AGBL1: variants seen among roughly 807,000 people sequenced by gnomAD.
AGBL1 encodes cytosolic carboxypeptidase 4.
AGBL1 carries 130 observed loss-of-function variants against 118.9 expected under a neutral mutation model. The observed-to-expected ratio is 1.09, with a 90% confidence interval of 0.95 to 1.26. The LOEUF (loss-of-function observed/expected upper bound fraction) is 1.26. Among genes scored for constraint, AGBL1 ranks in the 50% most tolerant of loss-of-function variants. The pLI is 0.00. For synonymous variants in AGBL1, 555 were observed against 478.9 expected (o/e 1.16, Z -2.08); for missense variants, 1,584 against 1,298.1 (o/e 1.22, Z -3.38).
intron 21 of AGBL1, among the ~76,000 whole-genome samples, chr15:86,667,921 C>T (rs1214019178): frequency 6.6e-6 from 1 of 152,190 alleles, no homozygotes; most frequent in Non-Finnish European, 1.5e-5. Context: ...TACAGTTCTG[C>T]AGGCTGTAAA....
At chr15:86,243,865 G>A (rs1288093939) in intron 6 of AGBL1, among the ~76,000 whole-genome samples, 2 of 151,606 alleles carry the variant, frequency 1.3e-5, no homozygotes, top group Non-Finnish European at 2.9e-5. Flanking sequence ...AAAAAAATTA[G>A]CAAAATTAGC....
chr15:87,021,499 T>A (rs896309546), intron 24 of AGBL1, among the ~76,000 whole-genome samples: 3 of 127,678 alleles, frequency 2.3e-5, no homozygotes, highest in African/African-American at 6.2e-5. Flanking sequence ...ACATATGGAA[T>A]CTAATTAAAC....
Position 86,568,911 on chromosome 15 carries a change from C to T in AGBL1, c.2994+14374C>T, listed in dbSNP as rs565484340. Among the ~76,000 whole-genome samples the T allele has an allele frequency of 2.6e-5, 4 of 151,984 alleles. No individual in the cohort carries two copies. The South Asian group carries it at 8.3e-4, about 32-fold the overall frequency. ...AAATTTTTTTAATGACAATGAGATGCTGTATGTATGATAAATATGATTTAA... is the reference window on the plus strand; with the variant it reads ...AAATTTTTTTAATGACAATGAGATGTTGTATGTATGATAAATATGATTTAA... On this transcript the variant is annotated intron_variant, in intron 21 of 22. Coordinates refer to ENST00000614907, the MANE Select transcript of AGBL1 (RefSeq NM_001386094.1).
intron 21 of AGBL1, among the ~76,000 whole-genome samples, chr15:86,608,401 T>C (rs1292992689): frequency 1.3e-5 from 2 of 152,218 alleles, no homozygotes; most frequent in Non-Finnish European, 2.9e-5. Context: ...AGTAGGGGAA[T>C]GCAAGAGCAA....
intron 21 of AGBL1, among the ~76,000 whole-genome samples, chr15:86,566,344 C>T (rs1049450106): frequency 6.6e-6 from 1 of 152,140 alleles, no homozygotes; most frequent in Non-Finnish European, 1.5e-5. Context: ...AGGTAGTTTT[C>T]AAGTGACTTT....
intron 22 of AGBL1, among the ~76,000 whole-genome samples, chr15:86,863,408 C>T (rs1174989668): frequency 6.6e-6 from 1 of 152,154 alleles, no homozygotes; most frequent in African/African-American, 2.4e-5. Flanking sequence ...GCAACTGTGA[C>T]TCAGGCTCTA....
rs575231889 is a variant in AGBL1, at chr15:86,279,825, G to C, written c.2220+42G>C. 3.7e-6 allele frequency: 6 copies of C among 1,601,920 alleles called. No individual in the cohort carries two copies. In the South Asian group the frequency reaches 4.4e-5, roughly 12 times the overall value. On this transcript the variant is annotated intron_variant, in intron 16 of 22. Coordinates refer to ENST00000614907, the MANE Select transcript of AGBL1 (RefSeq NM_001386094.1). ...AGCATCACTCCAGCAGGACTGAAGGGGCTCTCTGAGGTTTTCCTGGGAACA... is the reference window on the plus strand; with the variant it reads ...AGCATCACTCCAGCAGGACTGAAGGCGCTCTCTGAGGTTTTCCTGGGAACA...
intron 22 of AGBL1, among the ~76,000 whole-genome samples, chr15:86,723,632 G>A (rs550759760): frequency 4.6e-5 from 7 of 152,054 alleles, no homozygotes; most frequent in Admixed American, 2.6e-4. Context: ...TTGTGCACAT[G>A]TACCCTAAAA....
chr15:86,971,543 A>C (rs1596690586), intron 23 of AGBL1, among the ~76,000 whole-genome samples: 3 of 152,126 alleles, frequency 2.0e-5, no homozygotes, highest in Admixed American at 2.0e-4. Context: ...CAAGAACAGA[A>C]AACACTGAGC....
intron 21 of AGBL1, among the ~76,000 whole-genome samples, chr15:86,649,279 C>A (rs2085332492): frequency 6.6e-6 from 1 of 152,060 alleles, no homozygotes; most frequent in Non-Finnish European, 1.5e-5. Context: ...GGAAGATCTC[C>A]TTTGATAGCT....
At position 86,914,233 on chromosome 15, in the gene AGBL1, C is replaced by T. The variant is rs1199967812; in HGVS notation, c.*6939C>T. 1.3e-5 allele frequency: 2 copies of T among 152,136 alleles called. No individual in the cohort carries two copies. Among genetic ancestry groups the T allele is most frequent in the Non-Finnish European group, 2.9e-5 (2 of 68,050 alleles). The allele number at this position is 152,136 out of a possible 1,614,324, so 9.4% of individuals were successfully genotyped here. A position where few individuals can be genotyped will look rare whatever the true frequency, so the allele number is the denominator to read the frequency against. ...ATGTCCTGGGGTAGAAGACTATCAACCAGACCCCACCCACACTTCATTCTG... is the reference window on the plus strand; with the variant it reads ...ATGTCCTGGGGTAGAAGACTATCAATCAGACCCCACCCACACTTCATTCTG... On this transcript the variant is annotated 3_prime_UTR_variant, in exon 23 of 23. Coordinates refer to ENST00000614907, the MANE Select transcript of AGBL1 (RefSeq NM_001386094.1).
chr15:86,541,415 T>C (rs2083492351), intron 19 of AGBL1, among the ~76,000 whole-genome samples: 1 of 151,946 alleles, frequency 6.6e-6, no homozygotes, highest in Non-Finnish European at 1.5e-5. Context: ...CAGAGGGATA[T>C]CCTGTCTCTA....
chr15:86,742,537 A>C (rs2077695092), intron 22 of AGBL1, among the ~76,000 whole-genome samples: 1 of 152,078 alleles, frequency 6.6e-6, no homozygotes, highest in Non-Finnish European at 1.5e-5. Flanking sequence ...CAGGGAAGGA[A>C]AAAGAAGCAC....
intron 22 of AGBL1, among the ~76,000 whole-genome samples, chr15:86,743,462 G>A (rs2077709453): frequency 1.3e-5 from 2 of 152,070 alleles, no homozygotes; most frequent in African/African-American, 2.4e-5. Context: ...TTAGTAGGCT[G>A]AGCTTCTGGC....
intron 5 of AGBL1, among the ~76,000 whole-genome samples, chr15:86,159,677 C>G (rs1032224829): frequency 6.6e-6 from 1 of 152,000 alleles, no homozygotes. Context: ...CTATTAAGAT[C>G]TATCATTTAT....
chr15:86,767,169 T>C (rs952238573), intron 22 of AGBL1, among the ~76,000 whole-genome samples: 6 of 152,006 alleles, frequency 3.9e-5, no homozygotes, highest in Non-Finnish European at 8.8e-5. Context: ...TGAATCTATT[T>C]TTTAAAGAAT....
intron 18 of AGBL1, among the ~76,000 whole-genome samples, chr15:86,452,589 C>A (rs534462665): frequency 2.6e-5 from 4 of 152,290 alleles, no homozygotes; most frequent in Non-Finnish European, 5.9e-5. Context: ...CCTATTTACA[C>A]CCTGTCACAT....
rs2081899039 is a variant in AGBL1 at position 86,428,881 on chromosome 15, A to G, written c.2555+31335A>G. ...AGACTCATGTTCTCATCTATTACAGAAGGAAAGAAAAAATAATGGAAAGGT... is the reference window on the plus strand; with the variant it reads ...AGACTCATGTTCTCATCTATTACAGGAGGAAAGAAAAAATAATGGAAAGGT... On this transcript the variant is annotated intron_variant, in intron 18 of 22. Transcript: ENST00000614907. Among the ~76,000 whole-genome samples, 3 of 152,220 alleles carry G rather than the reference A, an allele frequency of 2.0e-5. No homozygotes were observed. In the South Asian group the frequency reaches 6.2e-4, roughly 32 times the overall value.
intron 23 of AGBL1, among the ~76,000 whole-genome samples, chr15:86,927,434 A>T (rs1363475207): frequency 6.6e-6 from 1 of 151,314 alleles, no homozygotes; most frequent in Non-Finnish European, 1.5e-5. Flanking sequence ...ACAAAAAAAA[A>T]AAATAGCCAG....
Sources: gnomAD v4.1 joint callset for allele counts (sites outside exome capture counted in the v4.1 genomes callset) on GRCh38, gnomAD v4.1.1 for gene constraint, MANE v1.5 for transcripts, NCBI Gene and HGNC (gene_info 2026-07-23, HGNC 2026-07-21) for gene names.